The following OPCML variants were observed in gnomAD, a reference collection of about 807,000 sequenced individuals.
The protein encoded by OPCML is opioid binding protein/cell adhesion molecule like.
A neutral mutation model predicts 37.8 loss-of-function variants in OPCML; 13 were observed. The ratio of observed to expected loss-of-function variants is 0.34; its 90% CI spans 0.22 to 0.55. OPCML has a LOEUF of 0.55. OPCML is among the 20% of genes least tolerant of loss of function. The pLI, the probability that OPCML is intolerant of heterozygous loss-of-function variation, is 0.91. For synonymous variants in OPCML, 176 were observed against 168.8 expected (o/e 1.04, Z -0.33); for missense variants, 341 against 435.6 (o/e 0.78, Z 1.93).
chr11:133,414,820 G>A (rs938645061), intron 1 of OPCML, among the ~76,000 whole-genome samples: 9 of 151,976 alleles, frequency 5.9e-5, no homozygotes, highest in South Asian at 2.1e-4. Flanking sequence ...TCTCTGCACC[G>A]TCTACCCCTT....
At chr11:133,522,904 T>C (rs562364986) in intron 1 of OPCML, among the ~76,000 whole-genome samples, 10 of 152,294 alleles carry the variant, frequency 6.6e-5, no homozygotes, top group Admixed American at 5.2e-4. Flanking sequence ...GAGCCAGCCA[T>C]AGATGCCACT....
chr11:133,258,278 C>A (rs757473876), intron 1 of OPCML, among the ~76,000 whole-genome samples: 5 of 152,126 alleles, frequency 3.3e-5, no homozygotes, highest in Non-Finnish European at 7.4e-5. Context: ...TGGCAAAGAT[C>A]TTTTTATTTC....
At chr11:132,638,777 A>G (rs1269460094) in intron 3 of OPCML, among the ~76,000 whole-genome samples, 2 of 152,040 alleles carry the variant, frequency 1.3e-5, no homozygotes, top group African/African-American at 4.8e-5. Context: ...CCAACCAACC[A>G]ACCAACACTC....
intron 1 of OPCML, among the ~76,000 whole-genome samples, chr11:133,276,243 A>G (rs1226680567): frequency 1.3e-5 from 2 of 152,214 alleles, no homozygotes; most frequent in Non-Finnish European, 2.9e-5. Context: ...TTTAGACCTA[A>G]GCATATTTAC....
In OPCML at chr11:133,123,359, T is replaced by C. The variant is rs570275582; in HGVS notation, c.62-180349A>G. 2.5e-3 allele frequency among the ~76,000 whole-genome samples: 387 copies of C among 152,330 alleles called. 3 individuals are homozygous for C. The highest frequency in any genetic ancestry group is 4.8e-3 in the Non-Finnish European group (324 of 68,024). On this transcript the variant is annotated intron_variant, in intron 1 of 7. Coordinates refer to ENST00000524381, the MANE Select transcript of OPCML (RefSeq NM_001012393.5). ...AGAAATTCTCATGCTAGGGACCATA[T>C]TGTTGTTTATCAAAGTCTGTTTGTG... is the stretch of plus-strand genomic sequence containing the variant.
At position 133,458,548 on chromosome 11, in the gene OPCML, C is replaced by CGT. The variant is rs554944082; in HGVS notation, c.61+73714_61+73715dup. On this transcript the variant is annotated intron_variant, in intron 1 of 7. Transcript: ENST00000524381. ...CTGTGTGTGTATACACATATATACA[C>CGT]GTGTGTGTGTATACACATATATACA... is the stretch of plus-strand genomic sequence containing the variant. Among the ~76,000 whole-genome samples, 3 of 87,248 alleles carry CGT rather than the reference C, an allele frequency of 3.4e-5. 1 individual carries two copies. The highest frequency in any genetic ancestry group is 2.3e-4 in the African/African-American group (2 of 8,836). 57.2% of individuals were successfully genotyped at this position (87,248 alleles called of 152,430 possible). A position where few individuals can be genotyped will look rare whatever the true frequency, so the allele number is the denominator to read the frequency against.
intron 1 of OPCML, among the ~76,000 whole-genome samples, chr11:133,062,815 G>A (rs1208132167): frequency 2.6e-5 from 4 of 152,298 alleles, no homozygotes; most frequent in African/African-American, 7.2e-5. Context: ...CATCGTTCCC[G>A]CCCCTGAGCC....
rs189568709 is a variant in OPCML at position 133,433,988 on chromosome 11, T to C, written c.61+98276A>G. On this transcript the variant is annotated intron_variant, in intron 1 of 7. Transcript: ENST00000524381. ...TTGTTGCTTTGTGCTTCTTGAACTT[T>C]CCCTTGCTTTCTTGCCAGATCACTA... is the stretch of plus-strand genomic sequence containing the variant. Among the ~76,000 whole-genome samples the C allele has an allele frequency of 1.3e-3, 194 of 152,302 alleles. 1 individual carries two copies. The highest frequency in any genetic ancestry group is 4.3e-3 in the African/African-American group (180 of 41,558).
chr11:133,287,985 C>T (rs1415436697), intron 1 of OPCML, among the ~76,000 whole-genome samples: 1 of 152,164 alleles, frequency 6.6e-6, no homozygotes, highest in Non-Finnish European at 1.5e-5. Flanking sequence ...TCTGTCCTGG[C>T]TGATGCTAAC....
At position 132,495,562 on chromosome 11, in the gene OPCML, C is replaced by T. The variant is rs566041999; in HGVS notation, c.505+33499G>A. Among the ~76,000 whole-genome samples the T allele has an allele frequency of 2.0e-4, 31 of 152,238 alleles. No homozygotes were observed. In the East Asian group the frequency reaches 5.8e-3, roughly 28 times the overall value. ...CACAGGACTGTAAAATTATTTGAGG[C>T]TTATATAGGATGAATATTGTATAGA... is the stretch of plus-strand genomic sequence containing the variant. On this transcript the variant is annotated intron_variant, in intron 4 of 7. Transcript: ENST00000524381.
At chr11:133,278,069 C>T (rs778828589) in intron 1 of OPCML, among the ~76,000 whole-genome samples, 1 of 152,114 alleles carries the variant, frequency 6.6e-6, no homozygotes, top group Non-Finnish European at 1.5e-5. Context: ...GAAAGTGAGC[C>T]GGGGACACCT....
chr11:133,325,803 G>A (rs1327779235), intron 1 of OPCML, among the ~76,000 whole-genome samples: 2 of 152,084 alleles, frequency 1.3e-5, no homozygotes, highest in South Asian at 2.1e-4. Flanking sequence ...GTCCTTAATC[G>A]ACCTCTACAG....
intron 1 of OPCML, among the ~76,000 whole-genome samples, chr11:133,509,853 T>C (rs1451846935): frequency 6.6e-6 from 1 of 152,202 alleles, no homozygotes; most frequent in Non-Finnish European, 1.5e-5. Context: ...CGAGTTCTCA[T>C]TGATTACTCT....
chr11:132,585,108 T>C (rs924283694), intron 3 of OPCML, among the ~76,000 whole-genome samples: 2 of 152,080 alleles, frequency 1.3e-5, no homozygotes, highest in Admixed American at 1.3e-4. Context: ...GGAGGCAGCT[T>C]TGGGTTAAAT....
intron 3 of OPCML, among the ~76,000 whole-genome samples, chr11:132,631,300 T>G (rs1016535978): frequency 1.7e-4 from 26 of 149,838 alleles, no homozygotes; most frequent in Non-Finnish European, 3.1e-4. Flanking sequence ...AAATTTTATC[T>G]CAGTAAAATA....
intron 1 of OPCML, among the ~76,000 whole-genome samples, chr11:133,296,164 T>A (rs547002739): frequency 6.6e-6 from 1 of 152,210 alleles, no homozygotes; most frequent in Non-Finnish European, 1.5e-5. Flanking sequence ...ATGAAGGACA[T>A]GTCCTCTGCC....
intron 1 of OPCML, among the ~76,000 whole-genome samples, chr11:133,279,788 TA>T (rs989037944): frequency 3.3e-5 from 5 of 152,040 alleles, no homozygotes; most frequent in Non-Finnish European, 5.9e-5. Flanking sequence ...AGCAGAGAAA[TA>T]AAAAAAACTC....
chr11:133,457,939 G>A (rs1946707614), intron 1 of OPCML, among the ~76,000 whole-genome samples: 2 of 152,036 alleles, frequency 1.3e-5, no homozygotes, highest in East Asian at 1.9e-4. Context: ...GAGGTCAGGA[G>A]TTCGAGACCA....
At chr11:132,474,755 C>T (rs1008567215) in intron 4 of OPCML, among the ~76,000 whole-genome samples, 3 of 152,176 alleles carry the variant, frequency 2.0e-5, no homozygotes, top group Non-Finnish European at 4.4e-5. Flanking sequence ...GAGCACCACC[C>T]TGAACCAGCA....
Sources: allele counts gnomAD v4.1 joint callset (sites outside exome capture counted in the v4.1 genomes callset), GRCh38; gene constraint gnomAD v4.1.1; transcripts MANE v1.5; gene names NCBI Gene and HGNC (gene_info 2026-07-23, HGNC 2026-07-21).